Variants in KIAA2012 observed in about 807,000 individuals in gnomAD.
The protein encoded by KIAA2012 is KIAA2012.
In KIAA2012, 125 loss-of-function variants were observed where a neutral mutation model predicts 150.6. That is an observed-to-expected ratio of 0.83 (90% CI 0.72 to 0.96). The LOEUF is 0.96. KIAA2012 is among the 40% of genes least tolerant of loss of function. The pLI is 0.00. For synonymous variants in KIAA2012, 462 were observed against 504.7 expected (o/e 0.92, Z 1.13); for missense variants, 1,219 against 1,354.9 (o/e 0.90, Z 1.57).
intron 23 of KIAA2012, among the ~76,000 whole-genome samples, chr2:202,204,724 A>AC (rs1692606587): frequency 6.9e-6 from 1 of 144,620 alleles, no homozygotes; most frequent in Non-Finnish European, 1.5e-5. Flanking sequence ...TACTTATTTT[A>AC]ACTCCTTTTT....
At chr2:202,112,540 A>G (rs1023514986) in intron 10 of KIAA2012, among the ~76,000 whole-genome samples, 1 of 152,204 alleles carries the variant, frequency 6.6e-6, no homozygotes, top group Non-Finnish European at 1.5e-5. Context: ...TACAGGTCAC[A>G]ATCTGGGACT....
intron 4 of KIAA2012, among the ~76,000 whole-genome samples, chr2:202,094,505 CTTTTA>C (rs2105917172): frequency 1.3e-5 from 2 of 151,702 alleles, no homozygotes; most frequent in African/African-American, 4.8e-5. Flanking sequence ...TTTTTATTTT[CTTTTA>C]TTTTATTTTT....
chr2:202,092,363 T>G (rs1252833788), intron 3 of KIAA2012, among the ~76,000 whole-genome samples: 3 of 152,202 alleles, frequency 2.0e-5, no homozygotes, highest in Non-Finnish European at 4.4e-5. Context: ...ACATATTCTC[T>G]TGGATTTCTT....
chr2:202,199,794 A>G (rs1201851522), intron 22 of KIAA2012, among the ~76,000 whole-genome samples: 8 of 152,194 alleles, frequency 5.3e-5, no homozygotes, highest in South Asian at 4.1e-4. Flanking sequence ...GGGGGACCAA[A>G]TGAGTGGCTG....
chr2:202,177,609 A>G (rs1469331511), intron 15 of KIAA2012, among the ~76,000 whole-genome samples: 1 of 152,114 alleles, frequency 6.6e-6, no homozygotes, highest in Non-Finnish European at 1.5e-5. Flanking sequence ...CTCAACCTGA[A>G]TTCCTGGACT....
intron 12 of KIAA2012, among the ~76,000 whole-genome samples, chr2:202,131,704 C>G (rs900821492): frequency 2.6e-5 from 4 of 151,986 alleles, no homozygotes; most frequent in Non-Finnish European, 4.4e-5. Flanking sequence ...AGGAACTAGC[C>G]GAGTGGTAAA....
At position 202,092,237 on chromosome 2, in the gene KIAA2012, G is replaced by C. The variant is rs1333642941; in HGVS notation, c.530-793G>C. Among the ~76,000 whole-genome samples, 4 of 152,156 alleles carry C rather than the reference G, an allele frequency of 2.6e-5. No individual in the cohort carries two copies. The East Asian group carries it at 7.7e-4, about 29-fold the overall frequency. Reference sequence around the variant, plus strand: ...CCTTGCCAAAGCCCCTCTTGAAGTTGAGGACCTCAAGCTGGAGGCACAATG... The same window carrying C: ...CCTTGCCAAAGCCCCTCTTGAAGTTCAGGACCTCAAGCTGGAGGCACAATG... On this transcript the variant is annotated intron_variant, in intron 3 of 23. Transcript: ENST00000498697.
chr2:202,128,007 T>C (rs1559213797), intron 12 of KIAA2012, among the ~76,000 whole-genome samples: 1 of 152,074 alleles, frequency 6.6e-6, no homozygotes, highest in Non-Finnish European at 1.5e-5. Flanking sequence ...TACTTTCTGT[T>C]ATCCCCTGAC....
chr2:202,087,510 CAAAAAAAAAAA>C (rs59728832), intron 2 of KIAA2012, among the ~76,000 whole-genome samples: 3 of 52,524 alleles, frequency 5.7e-5, no homozygotes, highest in Non-Finnish European at 9.8e-5. Context: ...GAAACCATCT[CAAAAAAAAAAA>C]AAAAAAAAAA....
chr2:202,075,538 T>A (rs145433175), intron 2 of KIAA2012, among the ~76,000 whole-genome samples: 317 of 152,314 alleles, frequency 2.1e-3, no homozygotes, highest in African/African-American at 7.2e-3. Flanking sequence ...GCCACAAGCA[T>A]CATCATCCCA....
intron 16 of KIAA2012, 85 bp downstream of exon 16, chr2:202,184,928 A>T: frequency 9.0e-7 from 1 of 1,106,294 alleles, no homozygotes; most frequent in Non-Finnish European, 1.3e-6. Flanking sequence ...GTTTTTTTTC[A>T]GACAGGAATG....
chr2:202,147,498 T>C (rs1336499751), intron 13 of KIAA2012, among the ~76,000 whole-genome samples: 2 of 152,098 alleles, frequency 1.3e-5, no homozygotes, highest in African/African-American at 4.8e-5. Context: ...GTCAGGAAAG[T>C]GTGGAGGGCC....
At position 202,105,839 on chromosome 2, in the gene KIAA2012, C is replaced by T. The variant is rs745423604; in HGVS notation, c.1403C>T (p.Ser468Phe). ...TGGAGACCTCCCCTGAAGCATGCGT[C>T]CTTAGAAACACCATGGGAGTTAACA... ...PVWRPPLKHA[S>F]LETPWELTVH... is the part of the protein sequence containing the mutation. Residue 468 changes from serine (S) to phenylalanine (F), a missense_variant, in exon 9 of 24, where the codon TCC (serine) becomes TTC (phenylalanine). Ser to Phe is a radical substitution (Grantham distance 155). Transcript: ENST00000498697. The T allele has an allele frequency of 1.0e-5, 16 of 1,550,634 alleles. No individual in the cohort carries two copies. Among genetic ancestry groups the T allele is most frequent in the Non-Finnish European group, 1.4e-5 (16 of 1,147,038 alleles).
chr2:202,119,900 G>A lies in KIAA2012; in HGVS notation c.1763-5314G>A, dbSNP rs145352191. Among the ~76,000 whole-genome samples the A allele has an allele frequency of 1.1e-3, 170 of 152,322 alleles. 1 individual carries two copies. Among genetic ancestry groups the A allele is most frequent in the African/African-American group, 3.7e-3 (155 of 41,566 alleles). ...CCACATGTCATGGGAGGAACCCGGTGGGAGGTGATTGAATTATGGGGGCAG... is the reference window on the plus strand; with the variant it reads ...CCACATGTCATGGGAGGAACCCGGTAGGAGGTGATTGAATTATGGGGGCAG... On this transcript the variant is annotated intron_variant, in intron 11 of 23. Transcript: ENST00000498697.
chr2:202,152,745 C>G (rs746379449), intron 13 of KIAA2012, among the ~76,000 whole-genome samples: 17 of 152,104 alleles, frequency 1.1e-4, no homozygotes, highest in Non-Finnish European at 2.2e-4. Context: ...ATCTTTATCT[C>G]TAGCCACATT....
chr2:202,135,135 T>G (rs549048481), intron 12 of KIAA2012, among the ~76,000 whole-genome samples: 1 of 152,244 alleles, frequency 6.6e-6, no homozygotes, highest in Non-Finnish European at 1.5e-5. Flanking sequence ...TGTGGTTAGA[T>G]TAATGCTAGC....
At position 202,103,124 on chromosome 2, in the gene KIAA2012, G is replaced by T. The variant is rs1351065179; in HGVS notation, c.1324+10G>T. On this transcript the variant is annotated intron_variant, in intron 8 of 23. Transcript: ENST00000498697. ...AAAGCCCACAGAAGAGGTAGGTCCC[G>T]GGTGCATGGGCACTCCTGAGGGAGA... The T allele has an allele frequency of 5.2e-6, 8 of 1,549,752 alleles. No individual in the cohort carries two copies. The highest frequency in any genetic ancestry group is 1.4e-5 in the African/African-American group (1 of 72,962).
Position 202,125,264 on chromosome 2 carries a change from A to C in KIAA2012, c.1813A>C (p.Ser605Arg). Residue 605 changes from serine (S) to arginine (R), a missense_variant, in exon 12 of 24, where the codon AGT becomes CGT. Ser to Arg is a moderately radical substitution (Grantham distance 110). Transcript: ENST00000498697. ...NISHEEEGPS[S>R]QHFLKANTEP... ...CAGCCATGAAGAGGAAGGGCCTAGT[A>C]GTCAGCATTTCCTAAAAGGTAAGCT... The C allele has an allele frequency of 6.5e-7, 1 of 1,550,316 alleles. No homozygotes were observed.
intron 2 of KIAA2012, among the ~76,000 whole-genome samples, chr2:202,089,231 T>G (rs1354253679): frequency 6.6e-6 from 1 of 152,248 alleles, no homozygotes; most frequent in African/African-American, 2.4e-5. Flanking sequence ...TTGGTCTTTT[T>G]GTTACATGAG....
Sources: allele counts gnomAD v4.1 joint callset (sites outside exome capture counted in the v4.1 genomes callset), GRCh38; gene constraint gnomAD v4.1.1; transcripts MANE v1.5; gene names NCBI Gene and HGNC (gene_info 2026-07-23, HGNC 2026-07-21).